Variants in CSMD1 observed in about 807,000 individuals in gnomAD.
CSMD1 encodes the protein CUB and Sushi multiple domains 1.
In CSMD1, 213 loss-of-function variants were observed where a neutral mutation model predicts 417.5. The observed-to-expected ratio is 0.51, with a 90% CI of 0.46 to 0.57. The LOEUF (loss-of-function observed/expected upper bound fraction) is 0.57. CSMD1 is among the 20% of genes least tolerant of loss of function. The probability of loss-of-function intolerance (pLI) is 0.00; values close to 1 mark genes in which losing one functional copy is unlikely to be tolerated. For synonymous variants in CSMD1, 2,862 were observed against 1,736.8 expected (o/e 1.65, Z -16.11); for missense variants, 6,923 against 4,529.7 (o/e 1.53, Z -15.17).
intron 10 of CSMD1, among the ~76,000 whole-genome samples, chr8:3,505,829 A>C (rs1397567264): frequency 6.6e-6 from 1 of 152,196 alleles, no homozygotes; most frequent in Admixed American, 6.5e-5. Flanking sequence ...TATCGTATCA[A>C]CACACTCCTT....
chr8:4,688,456 T>C (rs1806533967), intron 1 of CSMD1, among the ~76,000 whole-genome samples: 2 of 152,144 alleles, frequency 1.3e-5, no homozygotes, highest in Non-Finnish European at 2.9e-5. Context: ...GGGTCCCTGC[T>C]GCCAGCAGGC....
chr8:4,020,780 C>A (rs1022007494), intron 4 of CSMD1, among the ~76,000 whole-genome samples: 1 of 152,208 alleles, frequency 6.6e-6, no homozygotes, highest in Non-Finnish European at 1.5e-5. Flanking sequence ...GAGATAAGGT[C>A]TGAAATGAGA....
intron 49 of CSMD1, among the ~76,000 whole-genome samples, chr8:3,081,697 G>T (rs1214817290): frequency 6.6e-6 from 1 of 152,152 alleles, no homozygotes; most frequent in Non-Finnish European, 1.5e-5. Flanking sequence ...TGGTAGAGCT[G>T]CCTAGTTTGA....
intron 11 of CSMD1, among the ~76,000 whole-genome samples, chr8:3,493,229 G>T (rs1398229489): frequency 1.3e-5 from 2 of 148,658 alleles, no homozygotes; most frequent in African/African-American, 5.0e-5. Context: ...GGGAGGCGGA[G>T]GTTGCAGTGA....
intron 2 of CSMD1, among the ~76,000 whole-genome samples, chr8:4,489,125 T>G (rs906091991): frequency 6.6e-6 from 1 of 152,156 alleles, no homozygotes; most frequent in Non-Finnish European, 1.5e-5. Flanking sequence ...TCGGCCAGGC[T>G]GGTCTCAAAC....
chr8:4,102,433 T>C (rs766214512), intron 3 of CSMD1, among the ~76,000 whole-genome samples: 2 of 152,214 alleles, frequency 1.3e-5, no homozygotes, highest in African/African-American at 2.4e-5. Flanking sequence ...TCTGTCATAA[T>C]AGATTTAAGA....
chr8:3,213,607 T>C (rs918480842), intron 30 of CSMD1, among the ~76,000 whole-genome samples: 2 of 152,198 alleles, frequency 1.3e-5, no homozygotes, highest in Non-Finnish European at 2.9e-5. Flanking sequence ...GGAAATGACA[T>C]ATCCATTTAA....
intron 3 of CSMD1, among the ~76,000 whole-genome samples, chr8:4,187,733 C>T (rs950433803): frequency 6.9e-6 from 1 of 145,910 alleles, no homozygotes; most frequent in Admixed American, 6.9e-5. Flanking sequence ...TACATTAAGG[C>T]ACCATAAATG....
chr8:3,820,615 G>C (rs747859376), intron 5 of CSMD1, among the ~76,000 whole-genome samples: 5 of 152,126 alleles, frequency 3.3e-5, no homozygotes, highest in Non-Finnish European at 7.3e-5. Context: ...TTGCTCTCTT[G>C]TCCAAGTTGG....
chr8:4,031,839 A>G (rs1356155490), intron 4 of CSMD1, 66 bp downstream of exon 4: 13 of 1,255,194 alleles, frequency 1.0e-5, no homozygotes, highest in Non-Finnish European at 1.4e-5. Flanking sequence ...AAACTTTCAT[A>G]AAAGCATCTC....
intron 1 of CSMD1, among the ~76,000 whole-genome samples, chr8:4,872,665 G>A (rs1389322908): frequency 3.3e-5 from 5 of 152,100 alleles, no homozygotes; most frequent in East Asian, 1.9e-4. Context: ...CAGAAATTGC[G>A]AGAGTAGAAT....
At chr8:3,741,042 C>A (rs1223975092) in intron 6 of CSMD1, among the ~76,000 whole-genome samples, 2 of 151,838 alleles carry the variant, frequency 1.3e-5, no homozygotes, top group Admixed American at 1.3e-4. Context: ...TGGTCAAACT[C>A]CGTCTCTACT....
intron 23 of CSMD1, among the ~76,000 whole-genome samples, chr8:3,319,955 T>G: frequency 6.6e-6 from 1 of 152,192 alleles, no homozygotes; most frequent in Non-Finnish European, 1.5e-5. Context: ...AATTTATTGT[T>G]ATCACCTTAG....
chr8:4,277,331 T>A (rs1620288), intron 3 of CSMD1, among the ~76,000 whole-genome samples: 1 of 152,090 alleles, frequency 6.6e-6, no homozygotes, highest in Non-Finnish European at 1.5e-5. Context: ...TGACTTCCCT[T>A]GGATTTCTGA....
rs568853194 is a variant in CSMD1, at chr8:3,522,285, T to A, written c.1345-28559A>T. Among the ~76,000 whole-genome samples the A allele has an allele frequency of 1.2e-3, 184 of 152,358 alleles. 1 individual carries two copies. Among genetic ancestry groups the A allele is most frequent in the African/African-American group, 4.2e-3 (173 of 41,600 alleles). ...ATTTCCATTAAGCAACAGCTTTTTA[T>A]TGGCAACTACGAAGTAAGAAAAAAG... On this transcript the variant is annotated intron_variant, in intron 10 of 69. Coordinates refer to ENST00000635120, the MANE Select transcript of CSMD1 (RefSeq NM_033225.6).
Position 4,031,991 on chromosome 8 carries a change from T to A in CSMD1, c.524A>T (p.Tyr175Phe). Residue 175 changes from tyrosine (Y) to phenylalanine (F), a missense_variant, in exon 4 of 70, where the codon TAC becomes TTC. Physicochemically the swap from Tyr to Phe is conservative, Grantham distance 22. Coordinates refer to ENST00000635120, the MANE Select transcript of CSMD1 (RefSeq NM_033225.6). Reference sequence around the variant, plus strand: ...CAGGATGGCGTGGCCTTCCAAGATGTAGCCAGGGAGGCAGCTGTACCGGAT... The same window carrying A: ...CAGGATGGCGTGGCCTTCCAAGATGAAGCCAGGGAGGCAGCTGTACCGGAT... ...DKIRYSCLPG[Y>F]ILEGHAILTC... 1.2e-6 allele frequency: 2 copies of A among 1,613,944 alleles called. No individual in the cohort carries two copies. The highest frequency in any genetic ancestry group is 3.3e-5 in the Admixed American group (2 of 60,012).
intron 52 of CSMD1, among the ~76,000 whole-genome samples, chr8:3,011,945 A>G (rs637380): frequency 0.2 from 30,493 of 152,154 alleles, 5,606 homozygotes; most frequent in African/African-American, 0.49. Context: ...TGGATTAGCA[A>G]GTGCCTGAGA....
intron 19 of CSMD1, among the ~76,000 whole-genome samples, chr8:3,368,758 C>G (rs141204102): frequency 1.3e-5 from 2 of 152,318 alleles, no homozygotes; most frequent in African/African-American, 4.8e-5. Context: ...CTGATCTTCA[C>G]TATGCTTACC....
chr8:3,622,327 T>C (rs111718153), intron 7 of CSMD1, among the ~76,000 whole-genome samples: 3,815 of 152,284 alleles, frequency 0.025, 143 homozygotes, highest in African/African-American at 0.087. Context: ...ACGACTATCA[T>C]TGATGTTTGT....
Sources: gnomAD v4.1 joint callset for allele counts (sites outside exome capture counted in the v4.1 genomes callset) on GRCh38, gnomAD v4.1.1 for gene constraint, MANE v1.5 for transcripts, NCBI Gene and HGNC (gene_info 2026-07-23, HGNC 2026-07-21) for gene names.